The following DENND2B variants were observed in gnomAD, a reference collection of about 807,000 sequenced individuals.
DENND2B encodes DENN domain containing 2B, also known as DENN domain-containing protein 2B.
A neutral mutation model predicts 116.0 loss-of-function variants in DENND2B; 32 were observed. The ratio of observed to expected loss-of-function variants is 0.28; its 90% CI spans 0.21 to 0.37. The LOEUF (loss-of-function observed/expected upper bound fraction) is 0.37, where lower values mean the gene tolerates loss of function less well. DENND2B is among the 10% of genes least tolerant of loss of function. DENND2B has a pLI of 1.00. For missense variants in DENND2B, 1,276 were observed against 1,477.7 expected (o/e 0.86, Z 2.24); for synonymous variants, 588 against 583.9 (o/e 1.01, Z -0.10).
intron 2 of DENND2B, among the ~76,000 whole-genome samples, chr11:8,741,185 C>T (rs533060398): frequency 1.1e-4 from 17 of 152,300 alleles, no homozygotes; most frequent in African/African-American, 3.6e-4. Context: ...GTCAGAGTTA[C>T]GTGAAAGGTA....
rs55776498 is a variant in DENND2B, at chr11:8,798,192, A to G, written c.-26+12325T>C. 7.2e-3 allele frequency among the ~76,000 whole-genome samples: 1,100 copies of G among 152,304 alleles called. 11 individuals carry two copies. Among genetic ancestry groups the G allele is most frequent in the African/African-American group, 0.025 (1,047 of 41,548 alleles). The stretch of plus-strand genomic sequence containing the variant: ...CTCACTACACGTCAAGCTCCATGAC[A>G]ACAAGGACTTCAATGTCTTAGTTAT... On this transcript the variant is annotated intron_variant, in intron 1 of 19. Transcript: ENST00000313726.
chr11:8,830,043 G>A (rs946385215), intron 4 of DENND2B, among the ~76,000 whole-genome samples: 14 of 152,208 alleles, frequency 9.2e-5, no homozygotes, highest in African/African-American at 3.4e-4. Flanking sequence ...CCTCTCTCCT[G>A]TTGCTGACCT....
At chr11:8,778,306 G>A (rs1438691206) in intron 1 of DENND2B, among the ~76,000 whole-genome samples, 2 of 152,078 alleles carry the variant, frequency 1.3e-5, no homozygotes, top group Admixed American at 1.3e-4. Flanking sequence ...TGCTTTCAGG[G>A]GGCCTTCCAC....
intron 3 of DENND2B, among the ~76,000 whole-genome samples, chr11:8,842,239 A>G (rs539975454): frequency 6.6e-6 from 1 of 152,228 alleles, no homozygotes; most frequent in East Asian, 1.9e-4. Context: ...AAAAACAGGG[A>G]GCTGGAAATA....
intron 2 of DENND2B, among the ~76,000 whole-genome samples, chr11:8,735,797 G>C (rs1023367853): frequency 2.0e-5 from 3 of 152,226 alleles, no homozygotes; most frequent in Non-Finnish European, 4.4e-5. Flanking sequence ...GGCTTCAGGA[G>C]GGACACAATG....
At chr11:8,747,023 A>C (rs1388291777) in intron 2 of DENND2B, among the ~76,000 whole-genome samples, 1 of 152,156 alleles carries the variant, frequency 6.6e-6, no homozygotes, top group Non-Finnish European at 1.5e-5. Context: ...GACTAGATGA[A>C]AACAGAGTCC....
At chr11:8,810,049 C>A (rs1350363867) in intron 1 of DENND2B, 2 of 129,648 alleles carry the variant, frequency 1.5e-5, no homozygotes, top group Non-Finnish European at 3.3e-5. Context: ...CTTAATTAGC[C>A]TTTTTTTTTT....
chr11:8,708,544 T>C (rs919970865), intron 11 of DENND2B, among the ~76,000 whole-genome samples: 3 of 152,212 alleles, frequency 2.0e-5, no homozygotes, highest in Non-Finnish European at 4.4e-5. Context: ...GCTTTGGCCC[T>C]GTTTGGCTGT....
intron 2 of DENND2B, among the ~76,000 whole-genome samples, chr11:8,867,129 G>A (rs1179120040): frequency 6.6e-6 from 1 of 152,162 alleles, no homozygotes; most frequent in East Asian, 1.9e-4. Flanking sequence ...CAAGTCTCCA[G>A]AGCACTAGCA....
intron 4 of DENND2B, among the ~76,000 whole-genome samples, chr11:8,824,301 G>T (rs2061885958): frequency 2.6e-5 from 4 of 151,860 alleles, no homozygotes; most frequent in South Asian, 4.2e-4. Flanking sequence ...GATCACCCAG[G>T]TATTAAGCCT....
At chr11:8,696,706 G>C in intron 17 of DENND2B, 40 bp from the exon 18 acceptor site, 1 of 1,603,230 alleles carries the variant, frequency 6.2e-7, no homozygotes, top group East Asian at 2.2e-5. Flanking sequence ...CAGGTCAAGA[G>C]CCTGCAAAGC....
At chr11:8,759,226 T>C (rs1445543026) in intron 1 of DENND2B, among the ~76,000 whole-genome samples, 1 of 152,222 alleles carries the variant, frequency 6.6e-6, no homozygotes, top group Non-Finnish European at 1.5e-5. Flanking sequence ...AAAACCTGTC[T>C]GTCCTTGTTT....
intron 1 of DENND2B, among the ~76,000 whole-genome samples, chr11:8,758,477 T>C (rs1303871480): frequency 6.6e-6 from 1 of 152,182 alleles, no homozygotes; most frequent in African/African-American, 2.4e-5. Flanking sequence ...TTGCTTGCTT[T>C]CTCCTCATTT....
chr11:8,727,775 GCCCT>G (rs2133906696), intron 3 of DENND2B, among the ~76,000 whole-genome samples: 1 of 152,178 alleles, frequency 6.6e-6, no homozygotes, highest in East Asian at 1.9e-4. Context: ...TATGCAGGTA[GCCCT>G]CAAGTCAGTA....
upstream of DENND2B, among the ~76,000 whole-genome samples, chr11:8,812,946 G>GTTAT (rs562665372): frequency 2.6e-4 from 40 of 151,990 alleles, no homozygotes; most frequent in South Asian, 8.3e-4. Context: ...AGGTCCTGAT[G>GTTAT]TTATTTATTT....
intron 1 of DENND2B, among the ~76,000 whole-genome samples, chr11:8,893,044 C>A (rs868304566): frequency 1.3e-5 from 2 of 152,200 alleles, no homozygotes; most frequent in South Asian, 2.1e-4. Context: ...AAAAGCTTAT[C>A]CACCATGATC....
chr11:8,833,540 T>C (rs971218137), intron 4 of DENND2B, among the ~76,000 whole-genome samples: 1 of 152,028 alleles, frequency 6.6e-6, no homozygotes, highest in African/African-American at 2.4e-5. Context: ...CAGAGACACA[T>C]ATAGACACAC....
intron 1 of DENND2B, among the ~76,000 whole-genome samples, chr11:8,755,696 C>T (rs1472206175): frequency 2.0e-5 from 3 of 152,154 alleles, no homozygotes; most frequent in Non-Finnish European, 4.4e-5. Context: ...TTATGTTGCC[C>T]AGGCTGGTCT....
intron 4 of DENND2B, among the ~76,000 whole-genome samples, chr11:8,822,854 T>C (rs1482839589): frequency 1.3e-5 from 2 of 152,238 alleles, no homozygotes; most frequent in Non-Finnish European, 2.9e-5. Context: ...TCTTTGTACA[T>C]AGCAAGTGCT....
Sources: gnomAD v4.1 joint callset for allele counts (sites outside exome capture counted in the v4.1 genomes callset) on GRCh38, gnomAD v4.1.1 for gene constraint, MANE v1.5 for transcripts, NCBI Gene and HGNC (gene_info 2026-07-23, HGNC 2026-07-21) for gene names.